The following FLT4 variants were observed in gnomAD, a reference collection of about 807,000 sequenced individuals.
FLT4 encodes vascular endothelial growth factor receptor 3.
A neutral mutation model predicts 163.2 loss-of-function variants in FLT4; 30 were observed. The observed-to-expected ratio is 0.18, with a 90% CI of 0.14 to 0.25. The LOEUF (loss-of-function observed/expected upper bound fraction) is 0.25. Among genes scored for constraint, FLT4 ranks in the 10% least tolerant of loss-of-function variants. The pLI, the probability that FLT4 is intolerant of heterozygous loss-of-function variation, is 1.00. For missense variants in FLT4, 1,510 were observed against 1,863.8 expected (o/e 0.81, Z 3.50); for synonymous variants, 884 against 789.5 (o/e 1.12, Z -2.01).
intron 7 of FLT4, 120 bp from the exon 8 acceptor site, chr5:180,629,119 G>T: frequency 7.0e-7 from 1 of 1,436,260 alleles, no homozygotes; most frequent in Non-Finnish European, 9.8e-7. Context: ...GGCTGGCCAT[G>T]CCGCCCGGTG....
chr5:180,613,707 C>A (rs894627158), intron 24 of FLT4: 7 of 392,272 alleles, frequency 1.8e-5, no homozygotes, highest in Non-Finnish European at 3.4e-5. Flanking sequence ...CTGGAGACTT[C>A]ATCATGCTCG....
upstream of FLT4, among the ~76,000 whole-genome samples, chr5:180,650,169 C>CA (rs397719371): frequency 0.47 from 38,710 of 81,938 alleles, 8,326 homozygotes; most frequent in East Asian, 0.63. Flanking sequence ...GTCTGGGAGC[C>CA]AAAAAAAAAA....
Position 180,649,590 on chromosome 5 carries a change from G to A in FLT4, c.-45C>T. On this transcript the variant is annotated 5_prime_UTR_variant, in exon 1 of 30. Coordinates refer to ENST00000261937, the MANE Select transcript of FLT4 (RefSeq NM_182925.5). The stretch of plus-strand genomic sequence containing the variant: ...GTCCGACCCGAGCGGCCGCGGCTCG[G>A]GGCTGAAAGTGTCCGCGCGGGCGCC... 8.2e-7 allele frequency: 1 copy of A among 1,219,426 alleles called. No individual in the cohort carries two copies. The allele number at this position is 1,219,426 out of a possible 1,614,324, so 75.5% of individuals were successfully genotyped here. A position where few individuals can be genotyped will look rare whatever the true frequency, so the allele number is the denominator to read the frequency against.
At chr5:180,613,282 G>A (rs1762355148) in intron 24 of FLT4, 172 bp from the exon 25 acceptor site, 1 of 556,852 alleles carries the variant, frequency 1.8e-6, no homozygotes, top group Non-Finnish European at 3.2e-6. Context: ...GGGACCTGTG[G>A]GCAAGTCGCT....
chr5:180,606,502 C>T (rs557588345), intron 29 of FLT4, among the ~76,000 whole-genome samples: 1 of 152,304 alleles, frequency 6.6e-6, no homozygotes, highest in African/African-American at 2.4e-5. Context: ...GCGTTGAGTC[C>T]CCAACTCACG....
In FLT4 at chr5:180,630,133, C is replaced by T. The variant is rs1417354833; in HGVS notation, c.514-28G>A. ...GGAGGGACAAGGCCACCATCATTGCCCAGCTGCCCCTTGCTCCTGGCCAGA... is the reference window on the plus strand; with the variant it reads ...GGAGGGACAAGGCCACCATCATTGCTCAGCTGCCCCTTGCTCCTGGCCAGA... On this transcript the variant is annotated intron_variant, in intron 4 of 29. Transcript: ENST00000261937. The surrounding 1 kb of genome is among the most constrained non-coding windows in gnomAD (Gnocchi z 6.3). The T allele has an allele frequency of 3.1e-6, 5 of 1,612,562 alleles. No homozygotes were observed. Among genetic ancestry groups the T allele is most frequent in the South Asian group, 1.1e-5 (1 of 91,066 alleles).
intron 29 of FLT4, among the ~76,000 whole-genome samples, chr5:180,607,184 CT>C (rs1293130473): frequency 6.6e-6 from 1 of 152,218 alleles, no homozygotes; most frequent in Non-Finnish European, 1.5e-5. Flanking sequence ...ATGGCCAAAA[CT>C]GTTTTTCCCC....
At chr5:180,642,164 G>A (rs544389771) in intron 1 of FLT4, among the ~76,000 whole-genome samples, 9 of 150,328 alleles carry the variant, frequency 6.0e-5, no homozygotes, top group South Asian at 4.2e-4. Flanking sequence ...CCGAGATCGC[G>A]CCACTGCACT....
In FLT4 at chr5:180,626,520, G is replaced by A. The variant is rs1763630189; in HGVS notation, c.1104-255C>T. Among the ~76,000 whole-genome samples, 1 of 152,174 alleles carries A rather than the reference G, an allele frequency of 6.6e-6. No individual in the cohort carries two copies. The highest frequency in any genetic ancestry group is 2.1e-4 in the South Asian group (1 of 4,828). ...ACTGAGGTCTGCAGTAGCACCTCCT[G>A]CCTTGCCCCAAAGCCTCTGAACTCT... is the stretch of plus-strand genomic sequence containing the variant. On this transcript the variant is annotated intron_variant, in intron 8 of 29. Coordinates refer to ENST00000261937, the MANE Select transcript of FLT4 (RefSeq NM_182925.5).
chr5:180,602,789 TAAC>T lies in FLT4; in HGVS notation c.*400_*402del. On this transcript the variant is annotated 3_prime_UTR_variant, in exon 30 of 30. Transcript: ENST00000261937. ...GGGAGACCTCTGCTCTCGTATGCCT[TAAC>T]CTCCAACACTGTGTGACTCCCAGAC... is the stretch of plus-strand genomic sequence containing the variant. 2.0e-6 allele frequency: 1 copy of T among 508,564 alleles called. No individual in the cohort carries two copies. The highest frequency in any genetic ancestry group is 5.0e-4 in the Middle Eastern group (1 of 1,988). 31.5% of individuals were successfully genotyped at this position (508,564 alleles called of 1,614,324 possible).
chr5:180,618,728 G>C (rs950976884), intron 21 of FLT4, 42 bp downstream of exon 21: 25 of 1,563,956 alleles, frequency 1.6e-5, no homozygotes, highest in Non-Finnish European at 2.0e-5. Flanking sequence ...ATATAACCGG[G>C]CCCGTCAGGC....
Position 180,639,254 on chromosome 5 carries a change from GATGA to G in FLT4, c.59-7480_59-7477del, listed in dbSNP as rs1367338151. Among the ~76,000 whole-genome samples the G allele has an allele frequency of 1.0e-3, 20 of 19,294 alleles. 4 individuals are homozygous for G. The highest frequency in any genetic ancestry group is 0.2 in the South Asian group (2 of 10). The allele number at this position is 19,294 out of a possible 152,430, so 12.7% of individuals were successfully genotyped here. On this transcript the variant is annotated intron_variant, in intron 1 of 29. Coordinates refer to ENST00000261937, the MANE Select transcript of FLT4 (RefSeq NM_182925.5). Reference sequence around the variant, plus strand: ...GGATGGGTGGACGGATGGATGGATGGATGAATGGATGGATGGATGCATGGGTGGG... The same window carrying G: ...GGATGGGTGGACGGATGGATGGATGGATGGATGGATGGATGCATGGGTGGG...
At chr5:180,629,542 C>T in intron 6 of FLT4, 115 bp from the exon 7 acceptor site, 1 of 1,484,108 alleles carries the variant, frequency 6.7e-7, no homozygotes, top group South Asian at 1.2e-5. Flanking sequence ...GGACCCAGGC[C>T]CTGAGTTTTC....
chr5:180,626,085 C>T lies in FLT4; in HGVS notation c.1258+26G>A, dbSNP rs150471862. ...GGCCTCCAATGCCAGGCCGCCCACC[C>T]GTGCGCTCTCCCGTCCCTGACCTAC... On this transcript the variant is annotated intron_variant, in intron 9 of 29. Transcript: ENST00000261937. 1,017 of 1,612,726 alleles carry T rather than the reference C, an allele frequency of 6.3e-4. 7 individuals are homozygous for T. In the African/African-American group the frequency reaches 0.012, roughly 19 times the overall value.
intron 29 of FLT4, among the ~76,000 whole-genome samples, chr5:180,607,714 TTAGA>T (rs555020005): frequency 3.7e-4 from 56 of 151,556 alleles, no homozygotes; most frequent in East Asian, 7.7e-4. Flanking sequence ...ATAATACAAA[TTAGA>T]TAGAGAGATG....
rs142023029 is a variant in FLT4, at chr5:180,642,886, G to A, written c.58+6602C>T. Among the ~76,000 whole-genome samples, 32 of 152,296 alleles carry A rather than the reference G, an allele frequency of 2.1e-4. 1 individual carries two copies. Among genetic ancestry groups the A allele is most frequent in the South Asian group, 6.2e-4 (3 of 4,824 alleles). The stretch of plus-strand genomic sequence containing the variant: ...ACCTCCTGCTGCAACAGCAGCAAGC[G>A]TGCACCGAGCACTGTCCATGTGAAG... On this transcript the variant is annotated intron_variant, in intron 1 of 29. Transcript: ENST00000261937.
At chr5:180,638,541 A>G (rs1201750629) in intron 1 of FLT4, among the ~76,000 whole-genome samples, 1 of 152,204 alleles carries the variant, frequency 6.6e-6, no homozygotes, top group Non-Finnish European at 1.5e-5. Flanking sequence ...TAAAAAGCAC[A>G]GGCCTGATCA....
At chr5:180,639,502 G>C (rs1020870010) in intron 1 of FLT4, among the ~76,000 whole-genome samples, 1 of 151,924 alleles carries the variant, frequency 6.6e-6, no homozygotes, top group Non-Finnish European at 1.5e-5. Context: ...AAGGATGAAC[G>C]AATGGCTGGA....
In FLT4 at chr5:180,630,541, C is replaced by T. The variant is rs1203369288; in HGVS notation, c.400+14G>A. On this transcript the variant is annotated intron_variant, in intron 3 of 29. Transcript: ENST00000261937. This position sits in a 1 kb window ranked among gnomAD's most constrained non-coding sequence, Gnocchi z 6.3. The stretch of plus-strand genomic sequence containing the variant: ...CGGGACCCTGCTCCAGCCTGGCCCG[C>T]CTCCAAGTCTCACCTCTCACGAACA... 4 of 1,612,556 alleles carry T rather than the reference C, an allele frequency of 2.5e-6. No individual in the cohort carries two copies. Among genetic ancestry groups the T allele is most frequent in the Middle Eastern group, 1.6e-4 (1 of 6,082 alleles).
Sources: allele counts gnomAD v4.1 joint callset (sites outside exome capture counted in the v4.1 genomes callset), GRCh38; gene constraint gnomAD v4.1.1; non-coding constraint Gnocchi (gnomAD v3.1); transcripts MANE v1.5; gene names NCBI Gene and HGNC (gene_info 2026-07-23, HGNC 2026-07-21).